The following SOCS7 variants were observed in gnomAD, a reference collection of about 807,000 sequenced individuals.
SOCS7 encodes suppressor of cytokine signaling 7, also known as NAP-4.
Under a neutral mutation model 58.9 loss-of-function variants are expected in SOCS7, and 18 were observed. The observed-to-expected ratio is 0.31, with a 90% CI of 0.21 to 0.45. The LOEUF (loss-of-function observed/expected upper bound fraction) is 0.45, where lower values mean the gene tolerates loss of function less well. Among genes scored for constraint, SOCS7 ranks in the 20% least tolerant of loss-of-function variants. The pLI is 1.00. For missense variants in SOCS7, 667 were observed against 837.3 expected (o/e 0.80, Z 2.51); for synonymous variants, 388 against 364.3 (o/e 1.06, Z -0.74).
intron 7 of SOCS7, among the ~76,000 whole-genome samples, chr17:38,388,653 G>A (rs181430391): frequency 9.2e-5 from 14 of 152,216 alleles, no homozygotes; most frequent in African/African-American, 3.1e-4. Flanking sequence ...CAGTTACTCC[G>A]TATTCCCTCT....
chr17:38,373,894 A>G (rs2037898478), intron 6 of SOCS7, among the ~76,000 whole-genome samples: 1 of 152,238 alleles, frequency 6.6e-6, no homozygotes, highest in Admixed American at 6.5e-5. Flanking sequence ...CCGATAGAAC[A>G]TCATGAATGT....
At chr17:38,399,464 TG>T (rs947300096) in intron 9 of SOCS7, 48 bp from the exon 10 acceptor site, 1 of 152,362 alleles carries the variant, frequency 6.6e-6, no homozygotes, top group African/African-American at 2.4e-5. Flanking sequence ...CACTCCATTT[TG>T]GTTCTATTCT....
intron 6 of SOCS7, among the ~76,000 whole-genome samples, chr17:38,375,102 G>A (rs192106226): frequency 6.6e-6 from 1 of 152,264 alleles, no homozygotes; most frequent in African/African-American, 2.4e-5. Context: ...GGCTAGGGCA[G>A]GAGGATCACT....
In SOCS7 at chr17:38,400,558, A is replaced by C. The variant is rs1671253305; in HGVS notation, c.*1076A>C. 6.6e-6 allele frequency: 1 copy of C among 152,188 alleles called. No homozygotes were observed. The highest frequency in any genetic ancestry group is 1.5e-5 in the Non-Finnish European group (1 of 68,034). The allele number at this position is 152,188 out of a possible 1,614,324, so 9.4% of individuals were successfully genotyped here. On this transcript the variant is annotated 3_prime_UTR_variant, in exon 10 of 10. Transcript: ENST00000612932. ...GCTCTTCCTAGAGGAAGCTCTCAGA[A>C]CGCAGCCCTCACGGGATTTCCTTAG... is the stretch of plus-strand genomic sequence containing the variant.
rs1265240939 is a variant in SOCS7 at position 38,405,051 on chromosome 17, C to G, written c.*5569C>G. 1 of 152,344 alleles carries G rather than the reference C, an allele frequency of 6.6e-6. No homozygotes were observed. Among genetic ancestry groups the G allele is most frequent in the East Asian group, 1.9e-4 (1 of 5,186 alleles). 9.4% of individuals were successfully genotyped at this position (152,344 alleles called of 1,614,324 possible). A position where few individuals can be genotyped will look rare whatever the true frequency, so the allele number is the denominator to read the frequency against. ...CTCCGTTAGCCCCCCCTCTGCCCTC[C>G]TCCAAGCCAAAGCGTGGCCTGGCTT... On this transcript the variant is annotated 3_prime_UTR_variant, in exon 10 of 10. Transcript: ENST00000612932.
chr17:38,364,604 T>A (rs2037762978), intron 2 of SOCS7, 148 bp from the exon 3 acceptor site: 2 of 620,882 alleles, frequency 3.2e-6, no homozygotes, highest in Non-Finnish European at 2.9e-6. Context: ...GGTGTTGGGG[T>A]GATTTCAGCC....
rs1233837906 is a variant in SOCS7 at position 38,405,172 on chromosome 17, A to G, written c.*5690A>G. ...AATTTATTTTCATAAACTATAAAAAAATACTAAATGGTTAAAATAGACTTG... is the reference window on the plus strand; with the variant it reads ...AATTTATTTTCATAAACTATAAAAAGATACTAAATGGTTAAAATAGACTTG... On this transcript the variant is annotated 3_prime_UTR_variant, in exon 10 of 10. Coordinates refer to ENST00000612932, the MANE Select transcript of SOCS7 (RefSeq NM_014598.4). 2.0e-5 allele frequency: 3 copies of G among 152,184 alleles called. No individual in the cohort carries two copies. Among genetic ancestry groups the G allele is most frequent in the Admixed American group, 1.3e-4 (2 of 15,278 alleles). 9.4% of individuals were successfully genotyped at this position (152,184 alleles called of 1,614,324 possible).
At chr17:38,355,986 C>A (rs587615794) in intron 1 of SOCS7, among the ~76,000 whole-genome samples, 27 of 152,160 alleles carry the variant, frequency 1.8e-4, no homozygotes, top group Middle Eastern at 3.4e-3. Context: ...CGGGTTCAAG[C>A]GATTCTTCTG....
chr17:38,382,550 A>G (rs2038017033), intron 7 of SOCS7, among the ~76,000 whole-genome samples: 1 of 151,538 alleles, frequency 6.6e-6, no homozygotes, highest in South Asian at 2.1e-4. Flanking sequence ...CAATGGCACG[A>G]TCTCGGCTCA....
chr17:38,390,585 T>C (rs1009742960), intron 7 of SOCS7, among the ~76,000 whole-genome samples: 2 of 152,166 alleles, frequency 1.3e-5, no homozygotes, highest in Non-Finnish European at 2.9e-5. Flanking sequence ...TTCTGCTTAT[T>C]TAGGTCTTTT....
Position 38,365,398 on chromosome 17 carries a change from C to T in SOCS7, c.1241C>T (p.Pro414Leu). 6.2e-7 allele frequency: 1 copy of T among 1,610,628 alleles called. No individual in the cohort carries two copies. Among genetic ancestry groups the T allele is most frequent in the Non-Finnish European group, 8.5e-7 (1 of 1,178,160 alleles). The part of the protein sequence containing the change: ...QSFPLPPPPP[P>L]HAPDAFPRIA... ...TTCCCCCTACCTCCGCCTCCTCCAC[C>T]CCATGCCCCAGGTTAGCTTAGTTTA... Residue 414 changes from proline to leucine, a missense_variant, in exon 4 of 10, where the codon CCC (proline) becomes CTC (leucine). By Grantham distance (98) the Pro-to-Leu change is moderately conservative. This residue lies in a region of SOCS7 where 99 missense variants were observed against 122.9 expected (regional missense o/e 0.81). Transcript: ENST00000612932.
intron 1 of SOCS7, among the ~76,000 whole-genome samples, chr17:38,358,842 G>A (rs1555567184): frequency 6.6e-6 from 1 of 151,908 alleles, no homozygotes; most frequent in Non-Finnish European, 1.5e-5. Flanking sequence ...AGCTCTCCCT[G>A]GATTCAGATG....
rs1424517063 is a variant in SOCS7 at position 38,351,854 on chromosome 17, C to A, written c.-199C>A. Among the ~76,000 whole-genome samples the A allele has an allele frequency of 6.7e-6, 1 of 149,834 alleles. No homozygotes were observed. Among genetic ancestry groups the A allele is most frequent in the African/African-American group, 2.4e-5 (1 of 40,988 alleles). On this transcript the variant is annotated 5_prime_UTR_variant, in exon 1 of 10. Transcript: ENST00000612932. ...TCCGGAAGTGACGTCGGCTTGGGGG[C>A]GGTGCTCGGCGGTGGCGGAGCGCGG...
At chr17:38,367,759 T>C in intron 5 of SOCS7, 123 bp from the exon 6 acceptor site, 2 of 815,426 alleles carry the variant, frequency 2.5e-6, no homozygotes, top group Non-Finnish European at 3.9e-6. Context: ...TGTAAGTGGC[T>C]TTTACCTATT....
chr17:38,373,846 C>T (rs2037897909), intron 6 of SOCS7, among the ~76,000 whole-genome samples: 1 of 152,186 alleles, frequency 6.6e-6, no homozygotes, highest in African/African-American at 2.4e-5. Flanking sequence ...GCACTTGGTA[C>T]TCTATGCAAA....
chr17:38,383,501 T>G (rs1000832777), intron 7 of SOCS7, among the ~76,000 whole-genome samples: 4 of 152,138 alleles, frequency 2.6e-5, no homozygotes, highest in Admixed American at 2.0e-4. Flanking sequence ...CCTTTGTCGT[T>G]ATTTTATCTT....
intron 6 of SOCS7, among the ~76,000 whole-genome samples, chr17:38,370,259 A>C (rs1292444882): frequency 6.6e-6 from 1 of 152,126 alleles, no homozygotes; most frequent in African/African-American, 2.4e-5. Context: ...CGGCTTCCCA[A>C]AGTGCTGGGA....
chr17:38,360,084 A>G (rs587700257), intron 1 of SOCS7, among the ~76,000 whole-genome samples: 5 of 151,968 alleles, frequency 3.3e-5, no homozygotes, highest in East Asian at 3.9e-4. Flanking sequence ...GGCCTGAGGT[A>G]TAATTTATAT....
intron 6 of SOCS7, among the ~76,000 whole-genome samples, chr17:38,371,691 C>T (rs2037867927): frequency 1.3e-5 from 2 of 150,902 alleles, no homozygotes; most frequent in Admixed American, 1.3e-4. Context: ...AAGTGACCTG[C>T]TCACCTCTGC....
Sources: allele counts gnomAD v4.1 joint callset (sites outside exome capture counted in the v4.1 genomes callset), GRCh38; gene constraint gnomAD v4.1.1; regional missense constraint gnomAD v4.1.1; transcripts MANE v1.5; gene names NCBI Gene and HGNC (gene_info 2026-07-23, HGNC 2026-07-21).